The following CSNK1G1 variants were observed in gnomAD, a reference collection of about 807,000 sequenced individuals.
The protein encoded by CSNK1G1 is casein kinase I isoform gamma-1.
Under a neutral mutation model 59.6 loss-of-function variants are expected in CSNK1G1, and 22 were observed. The observed-to-expected ratio is 0.37, with a 90% CI of 0.26 to 0.53. The LOEUF is 0.53. CSNK1G1 is among the 20% of genes least tolerant of loss of function. CSNK1G1 has a pLI of 0.89. For missense variants in CSNK1G1, 384 were observed against 519.5 expected (o/e 0.74, Z 2.54); for synonymous variants, 179 against 177.1 (o/e 1.01, Z -0.08).
rs2082196975 is a variant in CSNK1G1, at chr15:64,207,421, A to G, written c.765+88T>C. 1.1e-5 allele frequency: 11 copies of G among 967,082 alleles called. 1 individual carries two copies. In the South Asian group the frequency reaches 1.4e-4, roughly 12 times the overall value. 59.9% of individuals were successfully genotyped at this position (967,082 alleles called of 1,614,324 possible). On this transcript the variant is annotated intron_variant, in intron 7 of 11. Coordinates refer to ENST00000303052, the MANE Select transcript of CSNK1G1 (RefSeq NM_022048.5). The stretch of plus-strand genomic sequence containing the variant: ...CCACCGCATCTGGCCAGCCCCCTAC[A>G]CATTTCTTAAAAACATGAAGCCAGA...
chr15:64,278,392 G>GTGTC (rs1301040708), intron 2 of CSNK1G1, among the ~76,000 whole-genome samples: 4 of 124,624 alleles, frequency 3.2e-5, no homozygotes, highest in Admixed American at 2.4e-4. Flanking sequence ...GTGTGTGTGT[G>GTGTC]TGTGTGTGTG....
intron 4 of CSNK1G1, among the ~76,000 whole-genome samples, chr15:64,234,346 A>G (rs1015470917): frequency 6.6e-6 from 1 of 152,182 alleles, no homozygotes; most frequent in African/African-American, 2.4e-5. Context: ...ACTTATTTCA[A>G]ATAGGCCACT....
chr15:64,325,085 T>C (rs893849580), intron 1 of CSNK1G1, among the ~76,000 whole-genome samples: 6 of 152,324 alleles, frequency 3.9e-5, no homozygotes, highest in Non-Finnish European at 7.4e-5. Flanking sequence ...CAGGATTTAA[T>C]AAAGAATTCT....
chr15:64,246,847 C>T (rs888227082), intron 4 of CSNK1G1, among the ~76,000 whole-genome samples: 1 of 152,060 alleles, frequency 6.6e-6, no homozygotes, highest in African/African-American at 2.4e-5. Context: ...CGTTTACCTA[C>T]CCTCTAAACC....
chr15:64,186,979 T>C (rs1355079201), intron 10 of CSNK1G1, among the ~76,000 whole-genome samples: 1 of 150,958 alleles, frequency 6.6e-6, no homozygotes, highest in Non-Finnish European at 1.5e-5. Context: ...TGCGCCACCA[T>C]GCCCAGCTAA....
intron 4 of CSNK1G1, among the ~76,000 whole-genome samples, chr15:64,228,678 C>T (rs2082496668): frequency 6.6e-6 from 1 of 152,012 alleles, no homozygotes; most frequent in African/African-American, 2.4e-5. Context: ...ACCACAAAGG[C>T]ACATGATTAA....
At chr15:64,355,493 C>T (rs1002638970) in intron 1 of CSNK1G1, among the ~76,000 whole-genome samples, 7 of 152,218 alleles carry the variant, frequency 4.6e-5, no homozygotes, top group African/African-American at 1.7e-4. Context: ...TCATTACCCA[C>T]TCTTGTGCCC....
intron 2 of CSNK1G1, among the ~76,000 whole-genome samples, chr15:64,297,837 G>C (rs905194351): frequency 6.6e-6 from 1 of 152,192 alleles, no homozygotes; most frequent in African/African-American, 2.4e-5. Context: ...CTTGACTTTG[G>C]AATTTTGTAG....
chr15:64,270,004 G>A (rs1278223637), intron 2 of CSNK1G1, among the ~76,000 whole-genome samples: 2 of 151,828 alleles, frequency 1.3e-5, no homozygotes, highest in African/African-American at 4.8e-5. Context: ...ACAGGGTTTC[G>A]CCATACTGGC....
chr15:64,283,805 GTTCT>G (rs1894269114), intron 2 of CSNK1G1, among the ~76,000 whole-genome samples: 1 of 152,086 alleles, frequency 6.6e-6, no homozygotes, highest in African/African-American at 2.4e-5. Flanking sequence ...TCTTGATGGT[GTTCT>G]TTGTCACACA....
intron 2 of CSNK1G1, among the ~76,000 whole-genome samples, chr15:64,298,162 T>TG (rs1297133141): frequency 2.0e-5 from 3 of 152,236 alleles, no homozygotes; most frequent in Admixed American, 2.0e-4. Flanking sequence ...TGCTTTTAAC[T>TG]GAATGAATTT....
chr15:64,234,027 A>G (rs993801013), intron 4 of CSNK1G1, among the ~76,000 whole-genome samples: 2 of 152,190 alleles, frequency 1.3e-5, no homozygotes, highest in East Asian at 3.8e-4. Context: ...CTCAAATGAA[A>G]AGATGACCAC....
In CSNK1G1 at chr15:64,338,637, T is replaced by C. The variant is rs578043100; in HGVS notation, c.-225+17351A>G. On this transcript the variant is annotated intron_variant, in intron 1 of 11. Coordinates refer to ENST00000303052, the MANE Select transcript of CSNK1G1 (RefSeq NM_022048.5). ...ATCGCTTGAACCTAGGAGGTGCAGG[T>C]TGTGGTGAGCTGAGATCGTGCCACT... Among the ~76,000 whole-genome samples the C allele has an allele frequency of 1.0e-4, 14 of 139,776 alleles. No individual in the cohort carries two copies. The South Asian group carries it at 2.9e-3, about 29-fold the overall frequency. 91.7% of individuals were successfully genotyped at this position (139,776 alleles called of 152,430 possible).
chr15:64,304,847 T>C (rs72756987), intron 1 of CSNK1G1, among the ~76,000 whole-genome samples: 5,375 of 152,292 alleles, frequency 0.035, 136 homozygotes, highest in Non-Finnish European at 0.057. Context: ...TTTATAGGTA[T>C]AGGACTGCTG....
At chr15:64,189,145 T>A (rs147463816) in intron 10 of CSNK1G1, among the ~76,000 whole-genome samples, 1 of 151,456 alleles carries the variant, frequency 6.6e-6, no homozygotes, top group Non-Finnish European at 1.5e-5. Context: ...ATAATAATAA[T>A]AACAAAAAAA....
chr15:64,200,267 T>C lies in CSNK1G1; in HGVS notation c.1107+2815A>G, dbSNP rs2140242726. Among the ~76,000 whole-genome samples the C allele has an allele frequency of 6.6e-6, 1 of 152,260 alleles. No homozygotes were observed. Among genetic ancestry groups the C allele is most frequent in the African/African-American group, 2.4e-5 (1 of 41,564 alleles). On this transcript the variant is annotated intron_variant, in intron 10 of 11. Coordinates refer to ENST00000303052, the MANE Select transcript of CSNK1G1 (RefSeq NM_022048.5). This position sits in a 1 kb window ranked among gnomAD's most constrained non-coding sequence, Gnocchi z 4.3. ...AAAAAAAGAGACACAAGGATATATGTTGACTGTGATATGACACTACTTATC... is the reference window on the plus strand; with the variant it reads ...AAAAAAAGAGACACAAGGATATATGCTGACTGTGATATGACACTACTTATC...
At chr15:64,307,699 T>C (rs987296420) in intron 1 of CSNK1G1, among the ~76,000 whole-genome samples, 3 of 152,172 alleles carry the variant, frequency 2.0e-5, no homozygotes, top group African/African-American at 7.2e-5. Context: ...GATTTTGTTT[T>C]TGTTTGAGAC....
rs1016366704 is a variant in CSNK1G1, at chr15:64,230,654, T to G, written c.293-13941A>C. On this transcript the variant is annotated intron_variant, in intron 4 of 11. Transcript: ENST00000303052. ...AGCACGACAGTCCCCATTACTTGAG[T>G]ACTCAGGTCTGTGAGGGTATTTAAA... is the stretch of plus-strand genomic sequence containing the variant. Among the ~76,000 whole-genome samples the G allele has an allele frequency of 3.3e-4, 50 of 152,250 alleles. 1 individual carries two copies. The highest frequency in any genetic ancestry group is 1.1e-3 in the African/African-American group (44 of 41,552).
At chr15:64,201,989 C>T (rs972104678) in intron 10 of CSNK1G1, among the ~76,000 whole-genome samples, 1 of 151,992 alleles carries the variant, frequency 6.6e-6, no homozygotes, top group Admixed American at 6.6e-5. Flanking sequence ...GATAAAAATC[C>T]TATGTCATAT....
Sources: gnomAD v4.1 joint callset for allele counts (sites outside exome capture counted in the v4.1 genomes callset) on GRCh38, gnomAD v4.1.1 for gene constraint, Gnocchi (gnomAD v3.1) non-coding constraint, MANE v1.5 for transcripts, NCBI Gene and HGNC (gene_info 2026-07-23, HGNC 2026-07-21) for gene names.